Variants in ZPBP observed in about 807,000 individuals in gnomAD.
The protein encoded by ZPBP is zona pellucida-binding protein 1.
In ZPBP, 26 loss-of-function variants were observed where a neutral mutation model predicts 44.8. That is an observed-to-expected ratio of 0.58 (90% CI 0.43 to 0.81). The LOEUF is 0.81. Ranked by LOEUF, ZPBP falls within the 30% of genes least tolerant of loss-of-function variation. The probability of loss-of-function intolerance (pLI) is 0.00; values close to 1 mark genes in which losing one functional copy is unlikely to be tolerated. For synonymous variants in ZPBP, 174 were observed against 153.2 expected (o/e 1.14, Z -1.00); for missense variants, 409 against 434.0 (o/e 0.94, Z 0.51).
chr7:50,020,239 G>A (rs371892112), intron 5 of ZPBP, among the ~76,000 whole-genome samples: 21 of 151,944 alleles, frequency 1.4e-4, no homozygotes, highest in Middle Eastern at 6.3e-3. Flanking sequence ...GAATCATCAC[G>A]ATAATGTAAA....
At chr7:49,900,571 T>C (rs961107722) in intron 2 of ZPBP, among the ~76,000 whole-genome samples, 5 of 151,708 alleles carry the variant, frequency 3.3e-5, no homozygotes, top group Non-Finnish European at 5.9e-5. Flanking sequence ...AATGAACCAA[T>C]TCCTTGAAAG....
intron 2 of ZPBP, among the ~76,000 whole-genome samples, chr7:49,854,434 G>A (rs1366091068): frequency 6.6e-6 from 1 of 152,006 alleles, no homozygotes; most frequent in African/African-American, 2.4e-5. Flanking sequence ...ATCTCATTGT[G>A]GTTTTGATTT....
rs557679459 is a variant in ZPBP at position 49,959,830 on chromosome 7, T to A, written c.962-22208A>T. 7.2e-5 allele frequency among the ~76,000 whole-genome samples: 11 copies of A among 152,328 alleles called. No homozygotes were observed. The Middle Eastern group carries it at 0.014, about 188-fold the overall frequency. On this transcript the variant is annotated intron_variant, in intron 7 of 7. Coordinates refer to ENST00000046087, the MANE Select transcript of ZPBP (RefSeq NM_007009.3). The stretch of plus-strand genomic sequence containing the variant: ...AACAAAGCTGGAGGATTATCCTATG[T>A]GATTTCAATAGTTACTATAAAGCTA...
At chr7:50,086,887 A>G (rs960167757) in intron 2 of ZPBP, among the ~76,000 whole-genome samples, 1 of 152,090 alleles carries the variant, frequency 6.6e-6, no homozygotes, top group African/African-American at 2.4e-5. Flanking sequence ...AGCCAGACAC[A>G]TCATAATCAA....
intron 1 of ZPBP, chr7:49,922,039 G>A (rs1416873814): frequency 1.3e-5 from 2 of 152,108 alleles, no homozygotes; most frequent in Non-Finnish European, 2.9e-5. Flanking sequence ...TAAATAAAAT[G>A]TATATACGTC....
In ZPBP at chr7:49,924,680, T is replaced by C. The variant is rs1343894220; in HGVS notation, n.411+11071A>G. Among the ~76,000 whole-genome samples the C allele has an allele frequency of 2.0e-5, 3 of 152,156 alleles. No individual in the cohort carries two copies. In the East Asian group the frequency reaches 5.8e-4, roughly 29 times the overall value. On this transcript the variant is annotated intron_variant and non_coding_transcript_variant, in intron 1 of 2. Transcript: ENST00000465922. ...TGTTAAGAAGATAATAAAATTATAT[T>C]ATGGGAGACTTCTGGTTCTGTCAAG...
chr7:49,855,365 G>C (rs1327447622), intron 2 of ZPBP, among the ~76,000 whole-genome samples: 1 of 152,098 alleles, frequency 6.6e-6, no homozygotes, highest in Non-Finnish European at 1.5e-5. Flanking sequence ...CAGGTTGCCT[G>C]GCATTAGGTG....
intron 4 of ZPBP, among the ~76,000 whole-genome samples, chr7:50,055,178 G>A (rs1800876919): frequency 3.9e-5 from 6 of 152,086 alleles, no homozygotes; most frequent in Admixed American, 3.9e-4. Context: ...GTGTATCTGT[G>A]TGTATACACA....
intron 7 of ZPBP, among the ~76,000 whole-genome samples, chr7:49,965,911 T>C (rs1017832392): frequency 8.6e-5 from 13 of 151,836 alleles, no homozygotes; most frequent in African/African-American, 3.1e-4. Flanking sequence ...GTCAGATAAA[T>C]GGAGTCATAA....
chr7:50,093,191 C>A lies in ZPBP; in HGVS notation c.4G>T (p.Glu2Ter). 6.6e-7 allele frequency: 1 copy of A among 1,523,606 alleles called. No homozygotes were observed. Among genetic ancestry groups the A allele is most frequent in the Non-Finnish European group, 8.8e-7 (1 of 1,137,466 alleles). 94.4% of individuals were successfully genotyped at this position (1,523,606 alleles called of 1,614,324 possible). Residue 2 changes from glutamate to a stop codon, truncating the protein, a stop_gained, in exon 1 of 8, where the codon GAG becomes TAG. Coordinates refer to ENST00000046087, the MANE Select transcript of ZPBP (RefSeq NM_007009.3). LOFTEE classifies it high-confidence loss of function. The part of the protein sequence containing the change: M[E>*]AFALGPARRG... ...CGCGCTGGGCCAAGGGCGAAGGCCT[C>A]CATCCACACGCCGCCGTCGCCTGCC...
chr7:49,928,689 C>T (rs747367151), intron 1 of ZPBP, among the ~76,000 whole-genome samples: 2 of 152,146 alleles, frequency 1.3e-5, no homozygotes, highest in Admixed American at 6.5e-5. Flanking sequence ...ACCACTCCCT[C>T]GGGACCTGCT....
At chr7:49,924,047 G>A (rs943886348) in intron 1 of ZPBP, among the ~76,000 whole-genome samples, 5 of 152,054 alleles carry the variant, frequency 3.3e-5, no homozygotes, top group Admixed American at 1.3e-4. Context: ...CACTTAAACC[G>A]GGGAGGCGGA....
intron 7 of ZPBP, chr7:49,943,110 C>T (rs1794957858): frequency 2.9e-6 from 1 of 349,044 alleles, no homozygotes; most frequent in Non-Finnish European, 5.6e-6. Context: ...TATCCACCCA[C>T]AGTCAGTAAG....
At chr7:50,092,972 T>C in intron 1 of ZPBP, 96 bp downstream of exon 1, 1 of 1,503,610 alleles carries the variant, frequency 6.7e-7, no homozygotes, top group Non-Finnish European at 8.9e-7. Context: ...TGTCTCTATA[T>C]AAAACGGATG....
At chr7:50,067,504 G>A (rs1430008887) in intron 3 of ZPBP, among the ~76,000 whole-genome samples, 7 of 152,160 alleles carry the variant, frequency 4.6e-5, no homozygotes, top group Non-Finnish European at 1.0e-4. Flanking sequence ...GGCAAAGACT[G>A]CACTACTGAG....
chr7:49,853,269 A>G (rs1790271486), intron 2 of ZPBP, among the ~76,000 whole-genome samples: 1 of 152,160 alleles, frequency 6.6e-6, no homozygotes, highest in Non-Finnish European at 1.5e-5. Flanking sequence ...ATCAGGTATG[A>G]CTGTAGTCTC....
At chr7:50,012,003 C>A (rs572864785) in intron 6 of ZPBP, among the ~76,000 whole-genome samples, 10 of 150,718 alleles carry the variant, frequency 6.6e-5, no homozygotes, top group African/African-American at 2.2e-4. Flanking sequence ...TGCACTCCAG[C>A]CTAGGCGACA....
intron 2 of ZPBP, among the ~76,000 whole-genome samples, chr7:49,888,185 A>G (rs1384667259): frequency 6.6e-6 from 1 of 152,138 alleles, no homozygotes; most frequent in African/African-American, 2.4e-5. Context: ...CTTTTAAAAA[A>G]TTTTCTGACA....
At chr7:49,998,060 G>A (rs1797930630) in intron 6 of ZPBP, among the ~76,000 whole-genome samples, 1 of 152,128 alleles carries the variant, frequency 6.6e-6, no homozygotes, top group African/African-American at 2.4e-5. Context: ...TGGGACTACA[G>A]GCGCACGCCA....
Sources: allele counts gnomAD v4.1 joint callset (sites outside exome capture counted in the v4.1 genomes callset), GRCh38; gene constraint gnomAD v4.1.1; transcripts MANE v1.5; gene names NCBI Gene and HGNC (gene_info 2026-07-23, HGNC 2026-07-21).